The following TTYH2 variants were observed in gnomAD, a reference collection of about 807,000 sequenced individuals.
TTYH2 encodes tweety family member 2.
A neutral mutation model predicts 68.3 loss-of-function variants in TTYH2; 49 were observed. The observed-to-expected ratio is 0.72, with a 90% confidence interval of 0.57 to 0.91. TTYH2 has a LOEUF of 0.91. TTYH2 is among the 40% of genes least tolerant of loss of function. The pLI, the probability that TTYH2 is intolerant of heterozygous loss-of-function variation, is 0.00. For synonymous variants in TTYH2, 272 were observed against 300.8 expected, an observed-to-expected ratio of 0.90 and a Z score of 0.99; for missense variants, 631 against 700.4, an observed-to-expected ratio of 0.90 and a Z score of 1.12.
intron 2 of TTYH2, among the ~76,000 whole-genome samples, chr17:74,229,580 G>A (rs1457935871): frequency 6.6e-6 from 1 of 152,066 alleles, no homozygotes. Context: ...GATGTTCACA[G>A]CAGCTGTATT....
intron 12 of TTYH2, 95 bp downstream of exon 12, chr17:74,253,361 A>G: frequency 6.9e-7 from 1 of 1,439,692 alleles, no homozygotes; most frequent in African/African-American, 1.4e-5. Context: ...AAGGCATCCA[A>G]GGCCACCCGT....
intron 1 of TTYH2, among the ~76,000 whole-genome samples, chr17:74,220,052 C>A (rs750626235): frequency 6.6e-6 from 1 of 151,092 alleles, no homozygotes; most frequent in Non-Finnish European, 1.5e-5. Flanking sequence ...TGTTGCCTAG[C>A]CCAGGCTAGA....
At chr17:74,224,812 C>T (rs2050313492) in intron 2 of TTYH2, among the ~76,000 whole-genome samples, 1 of 151,978 alleles carries the variant, frequency 6.6e-6, no homozygotes, top group Admixed American at 6.6e-5. Context: ...CCAGCCTGAC[C>T]AACATGGTGA....
At chr17:74,224,069 G>A (rs767474202) in intron 2 of TTYH2, among the ~76,000 whole-genome samples, 4 of 152,196 alleles carry the variant, frequency 2.6e-5, no homozygotes, top group Admixed American at 1.3e-4. Context: ...AGTCGAGTGC[G>A]GTTCCCAGTA....
intron 6 of TTYH2, chr17:74,248,783 GT>G: frequency 7.1e-7 from 1 of 1,413,770 alleles, no homozygotes; most frequent in South Asian, 1.5e-5. Context: ...TCATCTCCAT[GT>G]CACAGATGAG....
intron 2 of TTYH2, among the ~76,000 whole-genome samples, chr17:74,226,962 C>T (rs2050336779): frequency 6.6e-6 from 1 of 151,866 alleles, no homozygotes; most frequent in East Asian, 1.9e-4. Context: ...TTTTCTCTTC[C>T]TTTCCTTTCC....
chr17:74,260,094 C>T (rs2050733323), intron 13 of TTYH2, 35 bp from the exon 14 acceptor site: 1 of 1,597,004 alleles, frequency 6.3e-7, no homozygotes, highest in Non-Finnish European at 8.6e-7. Context: ...TTGGCTGACT[C>T]AGCTCTGACC....
At chr17:74,244,372 C>G (rs1281125763) in intron 6 of TTYH2, among the ~76,000 whole-genome samples, 1 of 152,194 alleles carries the variant, frequency 6.6e-6, no homozygotes, top group Non-Finnish European at 1.5e-5. Flanking sequence ...CAGGGCGCTT[C>G]TCTCTGGGTG....
At chr17:74,225,351 CAG>C (rs1281232157) in intron 2 of TTYH2, among the ~76,000 whole-genome samples, 2 of 151,634 alleles carry the variant, frequency 1.3e-5, no homozygotes, top group African/African-American at 2.4e-5. Context: ...TCAGAAGACA[CAG>C]GGGGCAGATG....
intron 9 of TTYH2, 85 bp from the exon 10 acceptor site, chr17:74,250,180 C>G: frequency 9.5e-6 from 14 of 1,474,698 alleles, no homozygotes; most frequent in Non-Finnish European, 1.1e-5. Context: ...GCTCTAGAGG[C>G]CCCTGAGCAC....
intron 3 of TTYH2, among the ~76,000 whole-genome samples, chr17:74,231,885 C>T (rs987781653): frequency 1.3e-5 from 2 of 151,968 alleles, no homozygotes; most frequent in Admixed American, 6.5e-5. Flanking sequence ...TTGTGGCAGA[C>T]GCTGCCTGAT....
chr17:74,249,214 G>T, intron 7 of TTYH2, 130 bp from the exon 8 acceptor site: 1 of 1,561,354 alleles, frequency 6.4e-7, no homozygotes, highest in South Asian at 1.1e-5. Flanking sequence ...CATGCTCTAG[G>T]CCATTTCCTA....
intron 6 of TTYH2, chr17:74,248,720 T>C: frequency 1.5e-6 from 2 of 1,334,288 alleles, no homozygotes; most frequent in Non-Finnish European, 1.9e-6. Context: ...CAGCATGCGC[T>C]CTGCCCCAGT....
At chr17:74,257,839 A>T (rs993842507) in intron 13 of TTYH2, among the ~76,000 whole-genome samples, 1 of 152,182 alleles carries the variant, frequency 6.6e-6, no homozygotes, top group Admixed American at 6.5e-5. Flanking sequence ...TTATCATTCA[A>T]GTTGGGAAAT....
chr17:74,215,613 C>T lies in TTYH2; in HGVS notation c.129+1897C>T. 6.5e-7 allele frequency: 1 copy of T among 1,535,214 alleles called. No individual in the cohort carries two copies. The highest frequency in any genetic ancestry group is 2.4e-5 in the East Asian group (1 of 40,918). ...GCCCACTGGCTCCTGGTCCCGCTCA[C>T]CCCCTCACCACCACTCAGATCGCTG... is the stretch of plus-strand genomic sequence containing the variant. On this transcript the variant is annotated intron_variant, in intron 1 of 13. Coordinates refer to ENST00000269346, the MANE Select transcript of TTYH2 (RefSeq NM_032646.6). This position sits in a 1 kb window ranked among gnomAD's most constrained non-coding sequence, Gnocchi z 4.3.
At chr17:74,243,947 T>A (rs1420359182) in intron 5 of TTYH2, 30 bp from the exon 6 acceptor site, 1 of 1,606,748 alleles carries the variant, frequency 6.2e-7, no homozygotes. Flanking sequence ...GGACCCCGCC[T>A]GCCAACGTTG....
Position 74,213,766 on chromosome 17 carries a change from C to T in TTYH2, c.129+50C>T. On this transcript the variant is annotated intron_variant, in intron 1 of 13. Transcript: ENST00000269346. The surrounding 1 kb of genome is among the most constrained non-coding windows in gnomAD (Gnocchi z 6.1). ...CAGCCACGCGCGCCCCAAGTCCCCG[C>T]ACTACCCCCTCTCCCCTCGAGAGCC... 6.3e-7 allele frequency: 1 copy of T among 1,591,458 alleles called. No homozygotes were observed. Among genetic ancestry groups the T allele is most frequent in the Non-Finnish European group, 8.6e-7 (1 of 1,167,986 alleles).
In TTYH2 at chr17:74,239,174, TCGG is replaced by T. The variant is rs2050474420; in HGVS notation, c.635+1664_635+1666del. Among the ~76,000 whole-genome samples, 1 of 152,168 alleles carries T rather than the reference TCGG, an allele frequency of 6.6e-6. No homozygotes were observed. Among genetic ancestry groups the T allele is most frequent in the South Asian group, 2.1e-4 (1 of 4,834 alleles). On this transcript the variant is annotated intron_variant, in intron 4 of 13. Coordinates refer to ENST00000269346, the MANE Select transcript of TTYH2 (RefSeq NM_032646.6). This position sits in a 1 kb window ranked among gnomAD's most constrained non-coding sequence, Gnocchi z 5.3. Reference sequence around the variant, plus strand: ...GCCTAGCCAGAGGCACTGGACACAATCGGCGGAGCAGGGACCTGCTGCCCCTCT... The same window carrying T: ...GCCTAGCCAGAGGCACTGGACACAATCGGAGCAGGGACCTGCTGCCCCTCT...
At chr17:74,255,151 A>G (rs1184826798) in intron 13 of TTYH2, among the ~76,000 whole-genome samples, 1 of 152,272 alleles carries the variant, frequency 6.6e-6, no homozygotes, top group East Asian at 1.9e-4. Flanking sequence ...GCCAAGGTTC[A>G]GGGACACGGA....
Sources: gnomAD v4.1 joint callset for allele counts (sites outside exome capture counted in the v4.1 genomes callset) on GRCh38, gnomAD v4.1.1 for gene constraint, Gnocchi (gnomAD v3.1) non-coding constraint, MANE v1.5 for transcripts, NCBI Gene and HGNC (gene_info 2026-07-23, HGNC 2026-07-21) for gene names.